DAPK1: variants seen among roughly 807,000 people sequenced by gnomAD.
DAPK1 encodes death associated protein kinase 1, also known as death-associated protein kinase 1.
In DAPK1, 56 loss-of-function variants were observed where a neutral mutation model predicts 144.9. The observed-to-expected ratio is 0.39, with a 90% CI of 0.31 to 0.48. DAPK1 has a LOEUF of 0.48. Ranked by LOEUF, DAPK1 falls within the 20% of genes least tolerant of loss-of-function variation. The pLI, the probability that DAPK1 is intolerant of heterozygous loss-of-function variation, is 0.95. For missense variants in DAPK1, 1,454 were observed against 1,875.4 expected (o/e 0.78, Z 4.15); for synonymous variants, 690 against 749.0 (o/e 0.92, Z 1.29).
intron 2 of DAPK1, among the ~76,000 whole-genome samples, chr9:87,504,238 AAG>A (rs1458616084): frequency 6.6e-6 from 1 of 152,196 alleles, no homozygotes; most frequent in East Asian, 1.9e-4. Flanking sequence ...CCAAAGTTTT[AAG>A]AGAGATAAAG....
upstream of DAPK1, chr9:87,497,854 G>A: frequency 2.5e-6 from 1 of 392,274 alleles, no homozygotes; most frequent in Non-Finnish European, 4.5e-6. Context: ...AGGCGGCAAG[G>A]AGCCGAGAGG....
chr9:87,697,945 C>T (rs1430816176), intron 22 of DAPK1, among the ~76,000 whole-genome samples: 2 of 151,940 alleles, frequency 1.3e-5, no homozygotes, highest in Non-Finnish European at 2.9e-5. Context: ...ACAGTGAGAC[C>T]CTGTCTCAAA....
intron 5 of DAPK1, 67 bp from the exon 6 acceptor site, chr9:87,639,583 G>T (rs1830025561): frequency 6.2e-7 from 1 of 1,611,274 alleles, no homozygotes; most frequent in South Asian, 1.1e-5. Context: ...GTTCCTGGTT[G>T]TTGCATGAAG....
chr9:87,579,176 ACACT>A (rs1231597292), intron 2 of DAPK1, among the ~76,000 whole-genome samples: 3 of 152,194 alleles, frequency 2.0e-5, no homozygotes, highest in African/African-American at 7.2e-5. Flanking sequence ...TGCTTCACAC[ACACT>A]CACTCAAGTG....
At chr9:87,602,930 C>CTGTT (rs992384436) in intron 2 of DAPK1, among the ~76,000 whole-genome samples, 13 of 151,664 alleles carry the variant, frequency 8.6e-5, no homozygotes, top group African/African-American at 2.9e-4. Flanking sequence ...GTTTCTCTCT[C>CTGTT]TCTCTCTCTC....
intron 3 of DAPK1, among the ~76,000 whole-genome samples, chr9:87,607,513 T>C (rs180953798): frequency 6.6e-6 from 1 of 152,352 alleles, no homozygotes; most frequent in Non-Finnish European, 1.5e-5. Context: ...ATCTGTTGTC[T>C]GACCCCAATT....
At chr9:87,500,983 T>C (rs1030108836) in intron 2 of DAPK1, among the ~76,000 whole-genome samples, 3 of 152,216 alleles carry the variant, frequency 2.0e-5, no homozygotes, top group African/African-American at 7.2e-5. Flanking sequence ...TGATTGTTTT[T>C]TGGAAAATTT....
intron 20 of DAPK1, among the ~76,000 whole-genome samples, chr9:87,682,484 C>T (rs1281309773): frequency 6.6e-6 from 1 of 152,090 alleles, no homozygotes; most frequent in Admixed American, 6.6e-5. Flanking sequence ...AGGTCTGTTC[C>T]CCAGGTTGAT....
rs897959964 is a variant in DAPK1, at chr9:87,708,522, C to T, written c.*1158C>T. 3.9e-5 allele frequency: 6 copies of T among 152,538 alleles called. No homozygotes were observed. Among genetic ancestry groups the T allele is most frequent in the Non-Finnish European group, 8.8e-5 (6 of 68,008 alleles). 9.4% of individuals were successfully genotyped at this position (152,538 alleles called of 1,614,324 possible). On this transcript the variant is annotated 3_prime_UTR_variant, in exon 26 of 26. Transcript: ENST00000408954. ...TATCATATGTATATATATATATGCACTATGTATATACATATATATTAATAC... is the reference window on the plus strand; with the variant it reads ...TATCATATGTATATATATATATGCATTATGTATATACATATATATTAATAC...
At chr9:87,501,526 T>TA (rs1008368943) in intron 2 of DAPK1, among the ~76,000 whole-genome samples, 2 of 151,574 alleles carry the variant, frequency 1.3e-5, no homozygotes, top group African/African-American at 4.9e-5. Flanking sequence ...GCCTGGGTGA[T>TA]ACAGCGAGAC....
At chr9:87,624,080 C>T (rs987348155) in intron 3 of DAPK1, among the ~76,000 whole-genome samples, 1 of 152,190 alleles carries the variant, frequency 6.6e-6, no homozygotes, top group African/African-American at 2.4e-5. Context: ...TGTGAAGTGG[C>T]AACAGTCATT....
At chr9:87,626,779 G>A (rs1829508469) in intron 3 of DAPK1, among the ~76,000 whole-genome samples, 1 of 152,190 alleles carries the variant, frequency 6.6e-6, no homozygotes, top group Admixed American at 6.5e-5. Flanking sequence ...TAATAGCAAT[G>A]GGTATTGCTG....
At chr9:87,554,647 G>A (rs62563494) in intron 2 of DAPK1, among the ~76,000 whole-genome samples, 29,065 of 152,088 alleles carry the variant, frequency 0.19, 4,252 homozygotes, top group African/African-American at 0.39. Flanking sequence ...GCAGTAATGC[G>A]CTAGTTGCTC....
intron 2 of DAPK1, chr9:87,525,228 C>G (rs1825450270): frequency 3.9e-6 from 4 of 1,023,106 alleles, no homozygotes; most frequent in Admixed American, 1.8e-5. Flanking sequence ...TCACCCTACC[C>G]AATGCAGTGC....
chr9:87,652,937 G>A (rs77054931), intron 17 of DAPK1, among the ~76,000 whole-genome samples: 4 of 118,458 alleles, frequency 3.4e-5, no homozygotes, highest in African/African-American at 6.2e-5. Flanking sequence ...ACCTGAACCC[G>A]GGTCCTGATT....
intron 2 of DAPK1, among the ~76,000 whole-genome samples, chr9:87,513,426 T>C (rs1487696615): frequency 4.6e-5 from 7 of 152,206 alleles, no homozygotes; most frequent in Non-Finnish European, 1.0e-4. Context: ...ATTCAGATTC[T>C]TGTGGACGAC....
At chr9:87,676,550 G>C (rs1338011254) in intron 19 of DAPK1, among the ~76,000 whole-genome samples, 1 of 152,236 alleles carries the variant, frequency 6.6e-6, no homozygotes, top group Admixed American at 6.5e-5. Context: ...CTTGTGAAGG[G>C]AAATACCCGA....
At chr9:87,620,742 C>G (rs1016523956) in intron 3 of DAPK1, among the ~76,000 whole-genome samples, 5 of 151,968 alleles carry the variant, frequency 3.3e-5, no homozygotes, top group African/African-American at 1.2e-4. Context: ...GGATAATAGC[C>G]TTCCCTTGTT....
chr9:87,681,088 A>G (rs150842463), intron 19 of DAPK1, among the ~76,000 whole-genome samples: 2 of 152,142 alleles, frequency 1.3e-5, no homozygotes, highest in Admixed American at 6.5e-5. Flanking sequence ...AGACCAGCCT[A>G]ACCAACATGG....
Sources: gnomAD v4.1 joint callset for allele counts (sites outside exome capture counted in the v4.1 genomes callset) on GRCh38, gnomAD v4.1.1 for gene constraint, MANE v1.5 for transcripts, NCBI Gene and HGNC (gene_info 2026-07-23, HGNC 2026-07-21) for gene names.